Variants in SLIT3 observed in about 807,000 individuals in gnomAD.
SLIT3 encodes the protein slit guidance ligand 3, also known as slit homolog 3 protein.
A neutral mutation model predicts 184.0 loss-of-function variants in SLIT3; 68 were observed. The observed-to-expected ratio is 0.37, with a 90% confidence interval of 0.30 to 0.45. SLIT3 has a LOEUF of 0.45. Among genes scored for constraint, SLIT3 ranks in the 20% least tolerant of loss-of-function variants. The pLI, the probability that SLIT3 is intolerant of heterozygous loss-of-function variation, is 1.00. For missense variants in SLIT3, 1,707 were observed against 2,026.0 expected (o/e 0.84, Z 3.02); for synonymous variants, 831 against 828.6 (o/e 1.00, Z -0.05).
At chr5:168,927,568 G>A (rs970166256) in intron 4 of SLIT3, among the ~76,000 whole-genome samples, 14 of 152,178 alleles carry the variant, frequency 9.2e-5, no homozygotes, top group African/African-American at 3.1e-4. Flanking sequence ...TACCTGGTGT[G>A]GCATTCAACA....
At chr5:168,932,746 C>G (rs899151110) in intron 4 of SLIT3, among the ~76,000 whole-genome samples, 10 of 152,208 alleles carry the variant, frequency 6.6e-5, no homozygotes, top group Non-Finnish European at 1.2e-4. Flanking sequence ...AACGGGAATG[C>G]CTGCCCCGTA....
intron 4 of SLIT3, among the ~76,000 whole-genome samples, chr5:168,898,274 CA>C (rs1760752850): frequency 6.6e-6 from 1 of 152,134 alleles, no homozygotes; most frequent in African/African-American, 2.4e-5. Context: ...GGGTATACAT[CA>C]CCTTCCCTCT....
intron 6 of SLIT3, among the ~76,000 whole-genome samples, chr5:168,838,747 A>C (rs952762180): frequency 1.3e-5 from 2 of 152,180 alleles, no homozygotes; most frequent in African/African-American, 4.8e-5. Context: ...CTTGTACCAG[A>C]AAATGACCTT....
At chr5:168,712,499 T>C (rs1762589212) in intron 23 of SLIT3, 145 bp from the exon 24 acceptor site, 1 of 685,538 alleles carries the variant, frequency 1.5e-6, no homozygotes, top group East Asian at 2.6e-5. Flanking sequence ...CCCCCTTTGC[T>C]CTGGGTGCAT....
At chr5:169,155,350 C>A (rs758841925) in intron 4 of SLIT3, among the ~76,000 whole-genome samples, 1 of 152,162 alleles carries the variant, frequency 6.6e-6, no homozygotes, top group Non-Finnish European at 1.5e-5. Context: ...TGATCCAAAC[C>A]TTTTTCCTGG....
chr5:169,058,382 T>C (rs1012844187), intron 4 of SLIT3, among the ~76,000 whole-genome samples: 19 of 152,078 alleles, frequency 1.2e-4, no homozygotes, highest in East Asian at 3.9e-4. Flanking sequence ...ATGGTTTCCA[T>C]TGGAAAGGCT....
intron 2 of SLIT3, among the ~76,000 whole-genome samples, chr5:169,248,685 G>A (rs193150376): frequency 2.0e-5 from 3 of 152,260 alleles, no homozygotes; most frequent in East Asian, 1.9e-4. Context: ...ATGTGATGAC[G>A]GCTGGGGTGG....
intron 3 of SLIT3, among the ~76,000 whole-genome samples, chr5:169,238,752 T>C (rs1765290945): frequency 6.6e-6 from 1 of 152,182 alleles, no homozygotes; most frequent in South Asian, 2.1e-4. Context: ...TGTTAGACCT[T>C]TCCTAGGAAA....
intron 6 of SLIT3, among the ~76,000 whole-genome samples, chr5:168,837,870 A>T (rs553582675): frequency 3.3e-5 from 5 of 152,336 alleles, no homozygotes; most frequent in African/African-American, 1.2e-4. Context: ...AAGGAAATGA[A>T]CTCCAAACCA....
chr5:168,852,603 G>A lies in SLIT3; in HGVS notation c.486-7948C>T, dbSNP rs898208071. 5.3e-5 allele frequency among the ~76,000 whole-genome samples: 8 copies of A among 152,300 alleles called. No homozygotes were observed. The East Asian group carries it at 1.2e-3, about 22-fold the overall frequency. On this transcript the variant is annotated intron_variant, in intron 5 of 35. Transcript: ENST00000519560. ...AAACCACATCATCTCCTTCAGCCTCGAGAGATCTTTGTTTCCCTTTAAAAA... is the reference window on the plus strand; with the variant it reads ...AAACCACATCATCTCCTTCAGCCTCAAGAGATCTTTGTTTCCCTTTAAAAA...
chr5:168,998,379 C>A (rs1037144653), intron 4 of SLIT3, among the ~76,000 whole-genome samples: 1 of 152,092 alleles, frequency 6.6e-6, no homozygotes, highest in African/African-American at 2.4e-5. Context: ...TGTTTTGATG[C>A]CACCCCATGT....
intron 4 of SLIT3, among the ~76,000 whole-genome samples, chr5:169,132,269 C>A (rs1475749781): frequency 6.6e-6 from 1 of 152,000 alleles, no homozygotes; most frequent in Non-Finnish European, 1.5e-5. Context: ...ACAGGAACCT[C>A]AAAGTAGTAA....
chr5:168,724,455 A>T lies in SLIT3; in HGVS notation c.2300T>A (p.Val767Glu). 6.2e-7 allele frequency: 1 copy of T among 1,613,308 alleles called. No individual in the cohort carries two copies. Among genetic ancestry groups the T allele is most frequent in the Non-Finnish European group, 8.5e-7 (1 of 1,179,568 alleles). The change falls in exon 21 of 36, where the codon GTG (valine) becomes GAG (glutamate). Residue 767 changes from valine (V) to glutamate (E), a missense_variant. By Grantham distance (121) the Val-to-Glu change is moderately radical. Around this residue, in one of 3 missense-constraint regions of SLIT3, gnomAD observed 1,307 missense variants for 1,511.6 expected, o/e 0.86. Transcript: ENST00000519560. ...TCGGAGGGCGGACAGCTCTCTGGGC[A>T]CGGCTGTTAGGTGGTTTCCTTCCAG... The part of the protein sequence containing the change: ...LYLEGNHLTA[V>E]PRELSALRHL...
intron 4 of SLIT3, among the ~76,000 whole-genome samples, chr5:169,150,263 G>A (rs17070892): frequency 0.046 from 6,987 of 152,116 alleles, 559 homozygotes; most frequent in African/African-American, 0.16. Context: ...TACTATACCA[G>A]GCACTTCACG....
intron 3 of SLIT3, among the ~76,000 whole-genome samples, chr5:169,196,418 T>TAAATGACAC (rs1190463816): frequency 1.3e-5 from 2 of 152,174 alleles, no homozygotes; most frequent in East Asian, 3.9e-4. Context: ...CAGTGAGTCT[T>TAAATGACAC]AAATGACACA....
intron 29 of SLIT3, among the ~76,000 whole-genome samples, chr5:168,691,473 A>G (rs924615999): frequency 6.6e-6 from 1 of 152,170 alleles, no homozygotes; most frequent in Non-Finnish European, 1.5e-5. Flanking sequence ...GGGTGATGAC[A>G]GCTTCTGGAC....
At chr5:169,268,635 G>C (rs1766485721) in intron 1 of SLIT3, among the ~76,000 whole-genome samples, 2 of 152,218 alleles carry the variant, frequency 1.3e-5, no homozygotes, top group South Asian at 4.1e-4. Context: ...GACAGCAGCT[G>C]TAGCATCAGG....
intron 1 of SLIT3, among the ~76,000 whole-genome samples, chr5:169,253,066 T>C (rs549643486): frequency 4.0e-5 from 6 of 148,944 alleles, no homozygotes; most frequent in Non-Finnish European, 7.4e-5. Context: ...CTGGCTAATC[T>C]GAGTGCTGGT....
chr5:168,666,346 T>G lies in SLIT3; in HGVS notation c.*108A>C, dbSNP rs1761041102. The G allele has an allele frequency of 4.7e-6, 5 of 1,072,140 alleles. No homozygotes were observed. The highest frequency in any genetic ancestry group is 6.4e-6 in the Non-Finnish European group (5 of 782,546). 66.4% of individuals were successfully genotyped at this position (1,072,140 alleles called of 1,614,324 possible). Reference sequence around the variant, plus strand: ...CTTAATATTCTCTTCTTCTTTACCTTCCTCTCCAGCTTCATTTCCTTCATG... The same window carrying G: ...CTTAATATTCTCTTCTTCTTTACCTGCCTCTCCAGCTTCATTTCCTTCATG... On this transcript the variant is annotated 3_prime_UTR_variant, in exon 36 of 36. Transcript: ENST00000519560.
Sources: allele counts gnomAD v4.1 joint callset (sites outside exome capture counted in the v4.1 genomes callset), GRCh38; gene constraint gnomAD v4.1.1; regional missense constraint gnomAD v4.1.1; transcripts MANE v1.5; gene names NCBI Gene and HGNC (gene_info 2026-07-23, HGNC 2026-07-21).